DHTKD1: variants seen among roughly 807,000 people sequenced by gnomAD.
DHTKD1 encodes dehydrogenase E1 and transketolase domain containing 1, also known as 2-oxoadipate dehydrogenase complex component E1.
A neutral mutation model predicts 101.8 loss-of-function variants in DHTKD1; 78 were observed. That is an observed-to-expected ratio of 0.77 (90% CI 0.64 to 0.93). The LOEUF is 0.93. DHTKD1 is among the 40% of genes least tolerant of loss of function. DHTKD1 has a pLI of 0.00. For synonymous variants in DHTKD1, 462 were observed against 450.3 expected (o/e 1.03, Z -0.33); for missense variants, 1,223 against 1,161.7 (o/e 1.05, Z -0.77).
At chr10:12,092,861 G>T (rs1833012799) in intron 6 of DHTKD1, among the ~76,000 whole-genome samples, 1 of 151,946 alleles carries the variant, frequency 6.6e-6, no homozygotes. Flanking sequence ...TTTTTTATCT[G>T]TGGAAATTGG....
intron 13 of DHTKD1, among the ~76,000 whole-genome samples, chr10:12,114,886 C>T (rs1833390541): frequency 6.6e-6 from 1 of 152,096 alleles, no homozygotes; most frequent in African/African-American, 2.4e-5. Context: ...AGCTCCGCCT[C>T]CCGGGTTCAG....
chr10:12,081,397 CT>C, intron 1 of DHTKD1, 74 bp from the exon 2 acceptor site: 2 of 1,295,526 alleles, frequency 1.5e-6, no homozygotes, highest in Non-Finnish European at 2.2e-6. Flanking sequence ...GTAAGAGCTT[CT>C]TTGAAAATCT....
At chr10:12,115,836 T>C (rs1833407932) in intron 13 of DHTKD1, among the ~76,000 whole-genome samples, 1 of 152,100 alleles carries the variant, frequency 6.6e-6, no homozygotes, top group African/African-American at 2.4e-5. Flanking sequence ...GGCATAATCT[T>C]AGCTCACTGC....
intron 13 of DHTKD1, among the ~76,000 whole-genome samples, chr10:12,117,084 C>T (rs1833428808): frequency 6.6e-6 from 1 of 151,686 alleles, no homozygotes; most frequent in African/African-American, 2.4e-5. Flanking sequence ...CTCACTGCAC[C>T]CTCTGCCTTC....
rs59823196 is a variant in DHTKD1, at chr10:12,114,034, C to CT, written c.2319+984dup. 7.6e-4 allele frequency among the ~76,000 whole-genome samples: 99 copies of CT among 130,042 alleles called. 1 individual carries two copies. The highest frequency in any genetic ancestry group is 2.6e-3 in the African/African-American group (94 of 36,132). The allele number at this position is 130,042 out of a possible 152,430, so 85.3% of individuals were successfully genotyped here. ...AAAATGAGTGGCATTATTTGTCATT[C>CT]TTTTTTTTTTTTTTCTTTTTGAGAT... On this transcript the variant is annotated intron_variant, in intron 13 of 16. Transcript: ENST00000263035.
intron 1 of DHTKD1, among the ~76,000 whole-genome samples, chr10:12,070,757 G>C (rs1832639958): frequency 6.6e-6 from 1 of 152,186 alleles, no homozygotes; most frequent in Non-Finnish European, 1.5e-5. Flanking sequence ...CTAAAGTGCT[G>C]GGATTACAGG....
chr10:12,081,431 C>T, intron 1 of DHTKD1, 41 bp from the exon 2 acceptor site: 1 of 1,576,394 alleles, frequency 6.3e-7, no homozygotes, highest in Non-Finnish European at 8.7e-7. Flanking sequence ...TTGTAGTCAT[C>T]TCCTAAACTG....
chr10:12,069,236 C>T, intron 1 of DHTKD1, 49 bp downstream of exon 1: 1 of 1,463,442 alleles, frequency 6.8e-7, no homozygotes, highest in Non-Finnish European at 9.0e-7. Flanking sequence ...GACGCAGAAG[C>T]CTCCCCTGGC....
At chr10:12,072,817 A>G (rs1264715692) in intron 1 of DHTKD1, among the ~76,000 whole-genome samples, 1 of 151,470 alleles carries the variant, frequency 6.6e-6, no homozygotes, top group East Asian at 1.9e-4. Flanking sequence ...GCTCACCACA[A>G]CCTCTGCCTC....
chr10:12,109,730 G>A (rs1194988668), intron 12 of DHTKD1, among the ~76,000 whole-genome samples: 4 of 151,980 alleles, frequency 2.6e-5, no homozygotes, highest in Admixed American at 1.3e-4. Flanking sequence ...TTGAGAGGCC[G>A]AGGTGGGAGG....
rs1017500997 is a variant in DHTKD1, at chr10:12,121,916, C to T, written c.*1028C>T. 2 of 152,178 alleles carry T rather than the reference C, an allele frequency of 1.3e-5. No individual in the cohort carries two copies. Among genetic ancestry groups the T allele is most frequent in the African/African-American group, 4.8e-5 (2 of 41,442 alleles). The allele number at this position is 152,178 out of a possible 1,614,324, so 9.4% of individuals were successfully genotyped here. On this transcript the variant is annotated 3_prime_UTR_variant, in exon 17 of 17. Transcript: ENST00000263035. ...TACAGCTCCGTGGAGATGACCTCAA[C>T]ACTGCCTCTTGATTTGTTTGATGCA...
Position 12,101,176 on chromosome 10 carries a change from C to G in DHTKD1, c.1891C>G (p.Leu631Val). 1.2e-6 allele frequency: 2 copies of G among 1,612,310 alleles called. No homozygotes were observed. The highest frequency in any genetic ancestry group is 1.7e-4 in the Middle Eastern group (1 of 6,058). ...NHMDPNQKGF[L>V]EVSNSPLSEE... Reference sequence around the variant, plus strand: ...TATGGACCCAAATCAGAAGGGGTTTCTAGAGGTGAGATGTTTCTATAGCTG... The same window carrying G: ...TATGGACCCAAATCAGAAGGGGTTTGTAGAGGTGAGATGTTTCTATAGCTG... The change falls in exon 10 of 17, where the codon CTA becomes GTA. Residue 631 changes from leucine to valine, a missense_variant. Transcript: ENST00000263035.
Position 12,097,248 on chromosome 10 carries a change from ATTTTAT to A in DHTKD1, c.1359-427_1359-422del, listed in dbSNP as rs1199679318. Among the ~76,000 whole-genome samples, 27 of 151,906 alleles carry A rather than the reference ATTTTAT, an allele frequency of 1.8e-4. No homozygotes were observed. In the East Asian group the frequency reaches 4.1e-3, roughly 23 times the overall value. Reference sequence around the variant, plus strand: ...AAACATTTTTCCTGAATGCCTTTTTATTTTATTTTTATTTATTTTTAATTTTATTTA... The same window carrying A: ...AAACATTTTTCCTGAATGCCTTTTTATTTTATTTATTTTTAATTTTATTTA... On this transcript the variant is annotated intron_variant, in intron 7 of 16. Coordinates refer to ENST00000263035, the MANE Select transcript of DHTKD1 (RefSeq NM_018706.7).
At chr10:12,116,402 T>G (rs747365356) in intron 13 of DHTKD1, 20 of 152,180 alleles carry the variant, frequency 1.3e-4, no homozygotes, top group Non-Finnish European at 1.8e-4. Flanking sequence ...TTTTACTTTT[T>G]TTTTTTCTTG....
chr10:12,101,072 T>C lies in DHTKD1; in HGVS notation c.1787T>C (p.Val596Ala). 1 of 1,614,072 alleles carries C rather than the reference T, an allele frequency of 6.2e-7. No homozygotes were observed. Among genetic ancestry groups the C allele is most frequent in the Non-Finnish European group, 8.5e-7 (1 of 1,180,006 alleles). Reference protein sequence around the residue: ...GFNVRLSGQDVGRGTFSQRHA... With the variant: ...GFNVRLSGQDAGRGTFSQRHA... ...AATGTTCGTCTAAGTGGCCAAGATG[T>C]TGGTCGTGGAACTTTCAGTCAGAGG... The change falls in exon 10 of 17, where the codon GTT (valine) becomes GCT (alanine). Residue 596 changes from valine (V) to alanine (A), a missense_variant. By Grantham distance (64) the Val-to-Ala change is moderately conservative (BLOSUM62 0). Transcript: ENST00000263035.
At chr10:12,090,198 GTCTTCAA>G (rs1832966177) in intron 5 of DHTKD1, among the ~76,000 whole-genome samples, 1 of 152,092 alleles carries the variant, frequency 6.6e-6, no homozygotes, top group Non-Finnish European at 1.5e-5. Context: ...TTCAGAATCA[GTCTTCAA>G]ATTCCACAGA....
chr10:12,091,433 T>G, intron 5 of DHTKD1, 80 bp from the exon 6 acceptor site: 1 of 295,814 alleles, frequency 3.4e-6, no homozygotes, highest in Non-Finnish European at 5.4e-6. Context: ...AAAAAAAAGT[T>G]ATTCCAACCT....
chr10:12,074,070 T>C (rs914161283), intron 1 of DHTKD1, among the ~76,000 whole-genome samples: 1 of 152,250 alleles, frequency 6.6e-6, no homozygotes, highest in Non-Finnish European at 1.5e-5. Flanking sequence ...TTTGCAGATA[T>C]TATGAACAGT....
Position 12,069,084 on chromosome 10 carries a change from C to G in DHTKD1, c.51C>G (p.Leu17=), listed in dbSNP as rs777255656. 2.5e-6 allele frequency: 4 copies of G among 1,612,904 alleles called. No individual in the cohort carries two copies. The highest frequency in any genetic ancestry group is 1.3e-5 in the African/African-American group (1 of 74,986). ...AAARRGLGRA[L]PLFWRGYQTE... ...CACGACGGGGCCTCGGCCGGGCTCT[C>G]CCTCTCTTCTGGCGTGGCTACCAGA... is the stretch of plus-strand genomic sequence containing the variant. Residue 17 remains leucine (L), a synonymous_variant, in exon 1 of 17, where the codon CTC becomes CTG. Coordinates refer to ENST00000263035, the MANE Select transcript of DHTKD1 (RefSeq NM_018706.7).
Sources: gnomAD v4.1 joint callset for allele counts (sites outside exome capture counted in the v4.1 genomes callset) on GRCh38, gnomAD v4.1.1 for gene constraint, MANE v1.5 for transcripts, NCBI Gene and HGNC (gene_info 2026-07-23, HGNC 2026-07-21) for gene names.